The following TMEM266 variants were observed in gnomAD, a reference collection of about 807,000 sequenced individuals.
TMEM266 encodes Hv1 related protein 1.
A neutral mutation model predicts 50.5 loss-of-function variants in TMEM266; 33 were observed. The ratio of observed to expected loss-of-function variants is 0.65; its 90% CI spans 0.50 to 0.87. The LOEUF is 0.87. Ranked by LOEUF, TMEM266 falls within the 40% of genes least tolerant of loss-of-function variation. The pLI, the probability that TMEM266 is intolerant of heterozygous loss-of-function variation, is 0.00. For synonymous variants in TMEM266, 310 were observed against 292.3 expected (o/e 1.06, Z -0.62); for missense variants, 655 against 695.1 (o/e 0.94, Z 0.65).
At chr15:76,115,222 AG>A (rs1383564020) in intron 1 of TMEM266, among the ~76,000 whole-genome samples, 1 of 152,210 alleles carries the variant, frequency 6.6e-6, no homozygotes, top group African/African-American at 2.4e-5. Flanking sequence ...CTAATTGCCT[AG>A]GATCTAGCCA....
At chr15:76,185,040 C>G (rs577443591) in intron 8 of TMEM266, among the ~76,000 whole-genome samples, 1 of 152,252 alleles carries the variant, frequency 6.6e-6, no homozygotes, top group South Asian at 2.1e-4. Flanking sequence ...TGGGGAGCCC[C>G]GTCCTGTTGT....
intron 3 of TMEM266, among the ~76,000 whole-genome samples, chr15:76,142,622 T>C (rs1335205547): frequency 6.6e-6 from 1 of 152,174 alleles, no homozygotes; most frequent in Non-Finnish European, 1.5e-5. Context: ...GATAGCAGCC[T>C]TCCTAATGGG....
intron 3 of TMEM266, among the ~76,000 whole-genome samples, chr15:76,142,667 A>T (rs2037698171): frequency 6.6e-6 from 1 of 152,142 alleles, no homozygotes; most frequent in African/African-American, 2.4e-5. Context: ...AGTCCAGGAA[A>T]GTCCTGCGGG....
Position 76,168,737 on chromosome 15 carries a change from C to T in TMEM266, c.457-1079C>T, listed in dbSNP as rs1451038724. Among the ~76,000 whole-genome samples the T allele has an allele frequency of 6.6e-6, 1 of 152,222 alleles. No homozygotes were observed. Among genetic ancestry groups the T allele is most frequent in the Non-Finnish European group, 1.5e-5 (1 of 68,042 alleles). On this transcript the variant is annotated intron_variant, in intron 5 of 10. Transcript: ENST00000388942. This position sits in a 1 kb window ranked among gnomAD's most constrained non-coding sequence, Gnocchi z 4.4. The stretch of plus-strand genomic sequence containing the variant: ...AAAAGAGAGACAGCAGACCAGGTCC[C>T]TTGAGCCTCCACTGGGGGATGGGGA...
intron 1 of TMEM266, among the ~76,000 whole-genome samples, chr15:76,086,935 G>GC (rs948828775): frequency 2.6e-5 from 4 of 151,338 alleles, no homozygotes; most frequent in Non-Finnish European, 4.4e-5. Flanking sequence ...GGTCGGGGGG[G>GC]GGGCGGTGGT....
At chr15:76,076,849 GAA>G (rs992934139) in intron 1 of TMEM266, among the ~76,000 whole-genome samples, 2 of 152,106 alleles carry the variant, frequency 1.3e-5, no homozygotes, top group African/African-American at 4.8e-5. Context: ...AGGCTGGCCT[GAA>G]AAGATGGATT....
intron 1 of TMEM266, among the ~76,000 whole-genome samples, chr15:76,100,919 A>G (rs972015271): frequency 6.6e-6 from 1 of 152,156 alleles, no homozygotes; most frequent in Non-Finnish European, 1.5e-5. Flanking sequence ...TTCCTGTTCA[A>G]TTGTAGGACT....
At chr15:76,164,756 C>T (rs772902540) in intron 5 of TMEM266, among the ~76,000 whole-genome samples, 32 of 152,208 alleles carry the variant, frequency 2.1e-4, no homozygotes, top group Non-Finnish European at 4.3e-4. Flanking sequence ...CCCTGAGCCA[C>T]GCACCACCCT....
rs190459496 is a variant in TMEM266, at chr15:76,133,007, G to A, written c.-96-1161G>A. On this transcript the variant is annotated intron_variant, in intron 1 of 10. Coordinates refer to ENST00000388942, the MANE Select transcript of TMEM266 (RefSeq NM_152335.3). ...AAAAATTAGCTGAGTGTGGTAGTAC[G>A]TGCCTGTAATCCCAGCTGAGGCTTA... is the stretch of plus-strand genomic sequence containing the variant. Among the ~76,000 whole-genome samples the A allele has an allele frequency of 2.4e-4, 37 of 151,254 alleles. No individual in the cohort carries two copies. In the East Asian group the frequency reaches 4.9e-3, roughly 20 times the overall value.
At chr15:76,134,058 G>A in intron 1 of TMEM266, 110 bp from the exon 2 acceptor site, 1 of 490,040 alleles carries the variant, frequency 2.0e-6, no homozygotes, top group Non-Finnish European at 3.6e-6. Flanking sequence ...ACATTACTTT[G>A]AAGAAAAGTG....
At chr15:76,194,032 TC>T (rs1310666092) in intron 9 of TMEM266, among the ~76,000 whole-genome samples, 3 of 152,192 alleles carry the variant, frequency 2.0e-5, no homozygotes, top group African/African-American at 7.2e-5. Flanking sequence ...CTTTTTTTTT[TC>T]TGGACCCAGG....
intron 1 of TMEM266, among the ~76,000 whole-genome samples, chr15:76,106,228 G>A (rs911080470): frequency 2.0e-5 from 3 of 152,064 alleles, no homozygotes; most frequent in Non-Finnish European, 4.4e-5. Flanking sequence ...TCAAAGATCC[G>A]CACTGAAGGA....
At chr15:76,120,174 G>A (rs1447135120) in intron 1 of TMEM266, among the ~76,000 whole-genome samples, 3 of 150,774 alleles carry the variant, frequency 2.0e-5, no homozygotes, top group African/African-American at 7.3e-5. Flanking sequence ...AATGAAATGT[G>A]TACAAGAATG....
At chr15:76,150,306 G>A (rs2037818602) in intron 3 of TMEM266, among the ~76,000 whole-genome samples, 1 of 152,160 alleles carries the variant, frequency 6.6e-6, no homozygotes, top group Non-Finnish European at 1.5e-5. Context: ...GAAGCCCAGG[G>A]CCCCAGGCTT....
chr15:76,202,227 C>T lies in TMEM266; in HGVS notation c.984C>T (p.Asn328=). 3.1e-6 allele frequency: 5 copies of T among 1,613,952 alleles called. No individual in the cohort carries two copies. Among genetic ancestry groups the T allele is most frequent in the Non-Finnish European group, 4.2e-6 (5 of 1,179,878 alleles). Residue 328 remains asparagine (N), a synonymous_variant, in exon 10 of 11, where the codon AAC becomes AAT. Transcript: ENST00000388942. ...AAGCCACGATGAAGGACGACATGAA[C>T]AGCTACATCAGTCAGTATTACAATG... is the stretch of plus-strand genomic sequence containing the variant. ...DMNSYISQYY[N]GPSSDSGVPE... is the part of the protein sequence containing the mutation.
At chr15:76,070,057 TG>T (rs2036514306) in intron 1 of TMEM266, among the ~76,000 whole-genome samples, 1 of 152,226 alleles carries the variant, frequency 6.6e-6, no homozygotes, top group South Asian at 2.1e-4. Flanking sequence ...GGAAGGAATG[TG>T]TTTATCTGGG....
chr15:76,167,125 A>G (rs978069758), intron 5 of TMEM266, among the ~76,000 whole-genome samples: 1 of 152,134 alleles, frequency 6.6e-6, no homozygotes, highest in African/African-American at 2.4e-5. Flanking sequence ...TTCAGAGGAG[A>G]CAAACACTAA....
intron 8 of TMEM266, 157 bp from the exon 9 acceptor site, chr15:76,191,811 G>C: frequency 1.5e-6 from 1 of 676,954 alleles, no homozygotes. Context: ...TGCGAACCGC[G>C]ATGCTGGGAG....
chr15:76,184,079 G>C (rs1277622573), intron 8 of TMEM266, among the ~76,000 whole-genome samples: 1 of 152,208 alleles, frequency 6.6e-6, no homozygotes, highest in Admixed American at 6.5e-5. Context: ...AGGGGCCAAA[G>C]GGCAGGAATA....
Sources: allele counts gnomAD v4.1 joint callset (sites outside exome capture counted in the v4.1 genomes callset), GRCh38; gene constraint gnomAD v4.1.1; non-coding constraint Gnocchi (gnomAD v3.1); transcripts MANE v1.5; gene names NCBI Gene and HGNC (gene_info 2026-07-23, HGNC 2026-07-21).